Variants in HYDIN observed in about 807,000 individuals in gnomAD.
The protein encoded by HYDIN is HYDIN axonemal central pair apparatus protein.
In HYDIN, 132 loss-of-function variants were observed where a neutral mutation model predicts 403.9. The ratio of observed to expected loss-of-function variants is 0.33; its 90% CI spans 0.28 to 0.38. The LOEUF (loss-of-function observed/expected upper bound fraction) is 0.38. Among genes scored for constraint, HYDIN ranks in the 10% least tolerant of loss-of-function variants. HYDIN has a pLI of 1.00. For synonymous variants in HYDIN, 1,202 were observed against 1,891.7 expected (o/e 0.64, Z 9.46); for missense variants, 2,827 against 5,009.5 (o/e 0.56, Z 13.15).
At chr16:70,960,020 T>TA (rs2078363249) in intron 38 of HYDIN, among the ~76,000 whole-genome samples, 200 bp from the exon 39 acceptor site, 1 of 152,218 alleles carries the variant, frequency 6.6e-6, no homozygotes, top group East Asian at 1.9e-4. Context: ...GCTACTAAAA[T>TA]AAAAAAACAG....
Position 70,805,278 on chromosome 16 carries a change from T to C in HYDIN, c.*2302A>G, listed in dbSNP as rs886895644. 2.6e-5 allele frequency among the ~76,000 whole-genome samples: 4 copies of C among 152,232 alleles called. No individual in the cohort carries two copies. The highest frequency in any genetic ancestry group is 4.8e-5 in the African/African-American group (2 of 41,464). ...GTAGCACTCTCAGCTGCAATGTGCA[T>C]GCAAATCGCCTGGAGGTCCATGAAA... On this transcript the variant is annotated 3_prime_UTR_variant, in exon 86 of 86. Coordinates refer to ENST00000393567, the MANE Select transcript of HYDIN (RefSeq NM_001270974.2).
intron 83 of HYDIN, among the ~76,000 whole-genome samples, chr16:70,824,845 G>A (rs1306826903): frequency 1.1e-4 from 17 of 151,312 alleles, no homozygotes; most frequent in South Asian, 2.1e-4. Flanking sequence ...ATATGGGTGG[G>A]TTACTTTTTT....
chr16:70,996,374 C>A (rs1466233217), intron 23 of HYDIN, among the ~76,000 whole-genome samples: 9 of 152,146 alleles, frequency 5.9e-5, no homozygotes, highest in African/African-American at 1.9e-4. Context: ...AGAGTCAGAG[C>A]CACAGGAGTG....
chr16:71,222,022 A>G (rs1041251069), intron 1 of HYDIN, among the ~76,000 whole-genome samples: 3 of 152,194 alleles, frequency 2.0e-5, no homozygotes, highest in Non-Finnish European at 4.4e-5. Flanking sequence ...TTTTCTGTAC[A>G]TCACTTTCTT....
At chr16:71,223,939 C>G (rs561846840) in intron 1 of HYDIN, among the ~76,000 whole-genome samples, 4 of 152,218 alleles carry the variant, frequency 2.6e-5, no homozygotes, top group African/African-American at 9.6e-5. Context: ...AATCCCACTA[C>G]TGGGTATCTA....
rs186071645 is a variant in HYDIN, at chr16:71,137,635, T to C, written c.842-283A>G. Among the ~76,000 whole-genome samples the C allele has an allele frequency of 6.9e-3, 1,057 of 152,254 alleles. 9 individuals carry two copies. The highest frequency in any genetic ancestry group is 0.011 in the Non-Finnish European group (750 of 68,036). On this transcript the variant is annotated intron_variant, in intron 7 of 85. Transcript: ENST00000393567. Reference sequence around the variant, plus strand: ...TCCAAAACTTTTTCTTTTTTGTAAATAGCTTTCAATCCTACAGCCTGACCA... The same window carrying C: ...TCCAAAACTTTTTCTTTTTTGTAAACAGCTTTCAATCCTACAGCCTGACCA...
At chr16:71,064,889 A>G in intron 15 of HYDIN, 49 bp from the exon 16 acceptor site, 2 of 1,596,054 alleles carry the variant, frequency 1.3e-6, no homozygotes, top group Non-Finnish European at 1.7e-6. Context: ...GCTTGTTTAC[A>G]TACAGAAAAC....
At chr16:71,067,584 G>C (rs1317956432) in intron 14 of HYDIN, among the ~76,000 whole-genome samples, 194 bp from the exon 15 acceptor site, 6 of 150,220 alleles carry the variant, frequency 4.0e-5, no homozygotes, top group Middle Eastern at 3.4e-3. Context: ...GGCCAGGGTA[G>C]AAACCAAATG....
At chr16:70,925,754 A>C (rs1394874728) in intron 45 of HYDIN, among the ~76,000 whole-genome samples, 2 of 151,920 alleles carry the variant, frequency 1.3e-5, no homozygotes, top group Non-Finnish European at 1.5e-5. Flanking sequence ...GAACTCAAAC[A>C]AATTTACAAG....
At chr16:70,971,382 C>G (rs1235175798) in intron 35 of HYDIN, among the ~76,000 whole-genome samples, 1 of 152,242 alleles carries the variant, frequency 6.6e-6, no homozygotes, top group Non-Finnish European at 1.5e-5. Flanking sequence ...GATATCATAA[C>G]TACTCACATG....
At position 70,974,524 on chromosome 16, in the gene HYDIN, G is replaced by A. The variant is rs1361351054; in HGVS notation, c.4909+10C>T. The A allele has an allele frequency of 3.1e-6, 5 of 1,607,896 alleles. No individual in the cohort carries two copies. Among genetic ancestry groups the A allele is most frequent in the Non-Finnish European group, 4.2e-6 (5 of 1,177,718 alleles). On this transcript the variant is annotated intron_variant, in intron 32 of 85. Coordinates refer to ENST00000393567, the MANE Select transcript of HYDIN (RefSeq NM_001270974.2). ...AGTGCAATAGGAAAGGGTCTCCCCA[G>A]CCTGGGTACCTGTCTCATGAAGGAC...
chr16:70,906,347 A>G (rs903239236), intron 50 of HYDIN, among the ~76,000 whole-genome samples: 1 of 151,762 alleles, frequency 6.6e-6, no homozygotes, highest in Non-Finnish European at 1.5e-5. Context: ...ATGACCACAC[A>G]TCATTTGTCA....
At chr16:71,214,701 T>A (rs2088783575) in intron 1 of HYDIN, among the ~76,000 whole-genome samples, 1 of 152,238 alleles carries the variant, frequency 6.6e-6, no homozygotes, top group African/African-American at 2.4e-5. Context: ...AGCTACATTC[T>A]TCTATTCTTT....
At chr16:70,979,676 A>G (rs2078986133) in intron 29 of HYDIN, among the ~76,000 whole-genome samples, 3 of 152,142 alleles carry the variant, frequency 2.0e-5, no homozygotes, top group Non-Finnish European at 4.4e-5. Flanking sequence ...CACGCCTGTA[A>G]TCCTAGCACT....
At position 70,803,521 on chromosome 16, in the gene HYDIN, G is replaced by A. The variant is rs2034983336; in HGVS notation, c.*4059C>T. ...ACAGTTACAATTCATCTGCATCTGT[G>A]TGATGCTTGGTTGTTATGCTAGAAC... On this transcript the variant is annotated 3_prime_UTR_variant, in exon 86 of 86. Transcript: ENST00000393567. Among the ~76,000 whole-genome samples, 1 of 152,186 alleles carries A rather than the reference G, an allele frequency of 6.6e-6. No homozygotes were observed. The highest frequency in any genetic ancestry group is 2.1e-4 in the South Asian group (1 of 4,834).
At chr16:70,966,951 C>G (rs1196759033) in intron 36 of HYDIN, among the ~76,000 whole-genome samples, 1 of 150,094 alleles carries the variant, frequency 6.7e-6, no homozygotes, top group Non-Finnish European at 1.5e-5. Context: ...AGATAAAATA[C>G]AAGTAGGAAA....
chr16:71,226,241 T>A (rs112310601), intron 1 of HYDIN, among the ~76,000 whole-genome samples: 7 of 152,344 alleles, frequency 4.6e-5, no homozygotes, highest in African/African-American at 1.7e-4. Flanking sequence ...TTATTCATAT[T>A]TTTCTGGAAT....
intron 7 of HYDIN, among the ~76,000 whole-genome samples, chr16:71,138,402 C>A (rs1441807815): frequency 8.7e-6 from 1 of 114,698 alleles, no homozygotes; most frequent in African/African-American, 3.9e-5. Context: ...AAAAACTTTC[C>A]CCAAAGAAAG....
intron 6 of HYDIN, among the ~76,000 whole-genome samples, chr16:71,161,529 G>A (rs1312097030): frequency 1.3e-5 from 2 of 152,158 alleles, no homozygotes; most frequent in African/African-American, 2.4e-5. Context: ...GTGCTCTTCA[G>A]GAAATGATGT....
Sources: gnomAD v4.1 joint callset for allele counts (sites outside exome capture counted in the v4.1 genomes callset) on GRCh38, gnomAD v4.1.1 for gene constraint, MANE v1.5 for transcripts, NCBI Gene and HGNC (gene_info 2026-07-23, HGNC 2026-07-21) for gene names.